TMEM131: variants seen among roughly 807,000 people sequenced by gnomAD.
The protein encoded by TMEM131 is 2610524E03Rik.
A neutral mutation model predicts 211.6 loss-of-function variants in TMEM131; 66 were observed. The observed-to-expected ratio is 0.31, with a 90% CI of 0.26 to 0.38. The LOEUF (loss-of-function observed/expected upper bound fraction) is 0.38. Among genes scored for constraint, TMEM131 ranks in the 10% least tolerant of loss-of-function variants. The pLI, the probability that TMEM131 is intolerant of heterozygous loss-of-function variation, is 1.00. For synonymous variants in TMEM131, 844 were observed against 841.3 expected (o/e 1.00, Z -0.06); for missense variants, 2,036 against 2,299.3 (o/e 0.89, Z 2.34).
chr2:97,757,245 T>C lies in TMEM131; in HGVS notation c.5506A>G (p.Asn1836Asp), dbSNP rs1678541043. 6.2e-7 allele frequency: 1 copy of C among 1,613,688 alleles called. No homozygotes were observed. The highest frequency in any genetic ancestry group is 1.7e-5 in the Admixed American group (1 of 59,992). ...LASIGLMGTE[N>D]SPAPHAPSTS... The stretch of plus-strand genomic sequence containing the variant: ...GAGGGAGCGTGAGGAGCAGGGGAGT[T>C]TTCTGTGCCCATGAGGCCGATGCTT... The change falls in exon 41 of 41, where the codon AAC becomes GAC. Residue 1836 changes from asparagine to aspartate, a missense_variant. By Grantham distance (23) the Asn-to-Asp change is conservative. Around this residue, in one of 3 missense-constraint regions of TMEM131, gnomAD observed 1,623 missense variants for 1,805.9 expected, o/e 0.90. Coordinates refer to ENST00000186436, the MANE Select transcript of TMEM131 (RefSeq NM_015348.2).
At position 97,800,595 on chromosome 2, in the gene TMEM131, CA is replaced by C. The variant is rs3064071; in HGVS notation, c.2718+1299del. ...TGAAACCCCGGCTCTACTAAAAATA[CA>C]AAAAAAAAAAAATTAGCCAGGTGTG... is the stretch of plus-strand genomic sequence containing the variant. On this transcript the variant is annotated intron_variant, in intron 25 of 40. Coordinates refer to ENST00000186436, the MANE Select transcript of TMEM131 (RefSeq NM_015348.2). Among the ~76,000 whole-genome samples the C allele has an allele frequency of 9.9e-4, 122 of 123,222 alleles. 1 individual carries two copies. The highest frequency in any genetic ancestry group is 1.1e-3 in the Admixed American group (14 of 12,338). 80.8% of individuals were successfully genotyped at this position (123,222 alleles called of 152,430 possible). A position where few individuals can be genotyped will look rare whatever the true frequency, so the allele number is the denominator to read the frequency against.
intron 11 of TMEM131, among the ~76,000 whole-genome samples, chr2:97,824,601 T>C (rs1354677519): frequency 1.3e-5 from 2 of 152,156 alleles, no homozygotes; most frequent in East Asian, 3.9e-4. Context: ...CCTACATGAA[T>C]ATGGGGAACA....
chr2:97,762,121 T>TGTCGGTGAG lies in TMEM131; in HGVS notation c.4794_4802dup (p.Ser1599_Thr1601dup). Reference sequence around the variant, plus strand: ...CAGCTGGGGGAGACGGGGAAGCAGGTGTCGGTGAGGTCTGGCGTTGTTTTA... The same window carrying TGTCGGTGAG: ...CAGCTGGGGGAGACGGGGAAGCAGGTGTCGGTGAGGTCGGTGAGGTCTGGCGTTGTTTTA... On this transcript the variant is annotated inframe_insertion, in exon 36 of 41. Coordinates refer to ENST00000186436, the MANE Select transcript of TMEM131 (RefSeq NM_015348.2). 1.2e-6 allele frequency: 2 copies of TGTCGGTGAG among 1,613,418 alleles called. No individual in the cohort carries two copies. Among genetic ancestry groups the TGTCGGTGAG allele is most frequent in the South Asian group, 2.2e-5 (2 of 91,038 alleles).
rs1000468635 is a variant in TMEM131 at position 97,995,676 on chromosome 2, G to C, written c.-14C>G. 8.3e-7 allele frequency: 1 copy of C among 1,199,602 alleles called. No individual in the cohort carries two copies. 74.3% of individuals were successfully genotyped at this position (1,199,602 alleles called of 1,614,324 possible). Reference sequence around the variant, plus strand: ...CCGCTTCCCCATCCCTGCCGGCCGGGGGCCGCCGCGCTCGAGGTCCGGCGC... The same window carrying C: ...CCGCTTCCCCATCCCTGCCGGCCGGCGGCCGCCGCGCTCGAGGTCCGGCGC... On this transcript the variant is annotated 5_prime_UTR_variant, in exon 1 of 41. Coordinates refer to ENST00000186436, the MANE Select transcript of TMEM131 (RefSeq NM_015348.2).
intron 4 of TMEM131, among the ~76,000 whole-genome samples, chr2:97,864,558 A>T (rs1674196375): frequency 6.6e-6 from 1 of 152,186 alleles, no homozygotes; most frequent in Admixed American, 6.5e-5. Context: ...GCAACAAATT[A>T]ATCAGGGGCT....
chr2:97,793,295 T>C, intron 30 of TMEM131, 100 bp downstream of exon 30: 2 of 1,302,842 alleles, frequency 1.5e-6, no homozygotes, highest in Non-Finnish European at 2.1e-6. Flanking sequence ...TAAGATTTTT[T>C]TTCTCCTGAG....
At chr2:97,793,361 C>CG (rs1482110467) in intron 30 of TMEM131, 34 bp downstream of exon 30, 2 of 1,587,912 alleles carry the variant, frequency 1.3e-6, no homozygotes, top group South Asian at 2.3e-5. Context: ...AATCTATGTA[C>CG]ACTAGGGAAT....
chr2:97,765,234 C>T (rs1679102426), intron 35 of TMEM131: 1 of 152,218 alleles, frequency 6.6e-6, no homozygotes, highest in Non-Finnish European at 1.5e-5. Flanking sequence ...GGATGTATCT[C>T]AGAGAGCATC....
rs2104966839 is a variant in TMEM131, at chr2:97,812,491, C to T, written c.1793G>A (p.Arg598Lys). ...GLSIELVAVERGNRTTIISSL... is the reference protein window; with the variant it reads ...GLSIELVAVEKGNRTTIISSL... ...TGAAATTATTGTAGTTCTATTGCCT[C>T]TTTCCACAGCTACAAGTTCTATTGA... The change falls in exon 17 of 41, where the codon AGA (arginine) becomes AAA (lysine). Residue 598 changes from arginine to lysine, a missense_variant. Physicochemically the swap from Arg to Lys is conservative, Grantham distance 26. Coordinates refer to ENST00000186436, the MANE Select transcript of TMEM131 (RefSeq NM_015348.2). 6.2e-7 allele frequency: 1 copy of T among 1,613,094 alleles called. No homozygotes were observed. The highest frequency in any genetic ancestry group is 1.7e-5 in the Admixed American group (1 of 59,880).
intron 1 of TMEM131, among the ~76,000 whole-genome samples, chr2:97,957,173 G>A (rs1678610304): frequency 2.0e-5 from 3 of 151,474 alleles, no homozygotes; most frequent in Admixed American, 2.0e-4. Flanking sequence ...GTGAGACTTT[G>A]TTCACATTTA....
At chr2:97,982,218 T>C (rs751507186) in intron 1 of TMEM131, among the ~76,000 whole-genome samples, 3 of 152,232 alleles carry the variant, frequency 2.0e-5, no homozygotes, top group Admixed American at 6.5e-5. Flanking sequence ...CGTAGCCATA[T>C]TGGTGGGTGT....
chr2:97,995,731 G>A lies in TMEM131; in HGVS notation c.-69C>T, dbSNP rs1202859077. On this transcript the variant is annotated 5_prime_UTR_variant, in exon 1 of 41. Transcript: ENST00000186436. ...CTTCTCGGCGAGGCGGCGGCGGCGC[G>A]GAAGCCGTGGTCCGGGCTCTGGCCG... is the stretch of plus-strand genomic sequence containing the variant. 11 of 1,111,238 alleles carry A rather than the reference G, an allele frequency of 9.9e-6. No homozygotes were observed. Among genetic ancestry groups the A allele is most frequent in the Non-Finnish European group, 1.2e-5 (11 of 899,620 alleles). The allele number at this position is 1,111,238 out of a possible 1,614,324, so 68.8% of individuals were successfully genotyped here. A position where few individuals can be genotyped will look rare whatever the true frequency, so the allele number is the denominator to read the frequency against.
chr2:97,875,924 C>A (rs919800104), intron 4 of TMEM131, among the ~76,000 whole-genome samples: 1 of 152,128 alleles, frequency 6.6e-6, no homozygotes, highest in Non-Finnish European at 1.5e-5. Context: ...ATCAATGAAT[C>A]CAGGAGCTGT....
chr2:97,909,864 T>TA (rs1439208839), intron 2 of TMEM131, among the ~76,000 whole-genome samples: 2 of 152,180 alleles, frequency 1.3e-5, no homozygotes, highest in Non-Finnish European at 2.9e-5. Flanking sequence ...GTCTGGGTGG[T>TA]AAATGAGTTG....
At chr2:97,944,367 T>TAAGGAA (rs1677936399) in intron 1 of TMEM131, among the ~76,000 whole-genome samples, 1 of 152,196 alleles carries the variant, frequency 6.6e-6, no homozygotes. Flanking sequence ...GATAAAGCTA[T>TAAGGAA]AAAACTTTTG....
chr2:97,796,409 A>C lies in TMEM131; in HGVS notation c.3014-5T>G. ...TTGGTTCTCTTAGTTTTAAACCTAA[A>C]GGATAAAAAATCAGGAATAAGACTA... On this transcript the variant is annotated splice_region_variant and splice_polypyrimidine_tract_variant and intron_variant, in intron 27 of 40. Coordinates refer to ENST00000186436, the MANE Select transcript of TMEM131 (RefSeq NM_015348.2). 1 of 1,492,250 alleles carries C rather than the reference A, an allele frequency of 6.7e-7. No individual in the cohort carries two copies. Among genetic ancestry groups the C allele is most frequent in the Non-Finnish European group, 9.0e-7 (1 of 1,116,432 alleles). 92.4% of individuals were successfully genotyped at this position (1,492,250 alleles called of 1,614,324 possible). A position where few individuals can be genotyped will look rare whatever the true frequency, so the allele number is the denominator to read the frequency against.
chr2:97,849,716 T>C (rs976164299), intron 5 of TMEM131, among the ~76,000 whole-genome samples: 1 of 102,670 alleles, frequency 9.7e-6, no homozygotes, highest in South Asian at 2.5e-4. Context: ...TCTCTCTCTC[T>C]CTTTTTTTTT....
chr2:97,910,898 A>G (rs550297776), intron 2 of TMEM131, among the ~76,000 whole-genome samples: 1 of 152,224 alleles, frequency 6.6e-6, no homozygotes, highest in East Asian at 1.9e-4. Flanking sequence ...TACACCTACC[A>G]TATGACCAAA....
At chr2:97,790,127 A>G (rs986336259) in intron 31 of TMEM131, among the ~76,000 whole-genome samples, 3 of 152,222 alleles carry the variant, frequency 2.0e-5, no homozygotes, top group Non-Finnish European at 4.4e-5. Flanking sequence ...TATTTAATGT[A>G]AATCTGCTAT....
Sources: allele counts gnomAD v4.1 joint callset (sites outside exome capture counted in the v4.1 genomes callset), GRCh38; gene constraint gnomAD v4.1.1; regional missense constraint gnomAD v4.1.1; transcripts MANE v1.5; gene names NCBI Gene and HGNC (gene_info 2026-07-23, HGNC 2026-07-21).